The following WNT6 variants were observed in gnomAD, a reference collection of about 807,000 sequenced individuals.
WNT6 encodes the protein Wnt family member 6.
WNT6 carries 27 observed loss-of-function variants against 33.1 expected under a neutral mutation model. The observed-to-expected ratio is 0.82, with a 90% CI of 0.60 to 1.12. The LOEUF is 1.12. Among genes scored for constraint, WNT6 ranks in the 50% most tolerant of loss-of-function variants. The pLI is 0.00. For synonymous variants in WNT6, 249 were observed against 242.8 expected, an observed-to-expected ratio of 1.03 and a Z score of -0.24; for missense variants, 494 against 535.3, an observed-to-expected ratio of 0.92 and a Z score of 0.76.
intron 1 of WNT6, among the ~76,000 whole-genome samples, chr2:218,866,028 G>C (rs867415372): frequency 3.8e-4 from 58 of 152,072 alleles, no homozygotes; most frequent in African/African-American, 1.3e-3. Context: ...GGGGAGGGGA[G>C]CAGTAATTAC....
At chr2:218,860,219 C>T in intron 1 of WNT6, 102 bp downstream of exon 1, 1 of 1,145,842 alleles carries the variant, frequency 8.7e-7, no homozygotes, top group Non-Finnish European at 1.1e-6. Flanking sequence ...TCTACCTGCT[C>T]TCCGAGCCCA....
At chr2:218,860,163 G>T in intron 1 of WNT6, 46 bp downstream of exon 1, 1 of 1,475,374 alleles carries the variant, frequency 6.8e-7, no homozygotes, top group South Asian at 1.3e-5. Flanking sequence ...GGAGGGTGGG[G>T]ACCCCGGGAC....
chr2:218,862,388 C>T (rs1944316762), intron 1 of WNT6, among the ~76,000 whole-genome samples: 1 of 152,066 alleles, frequency 6.6e-6, no homozygotes, highest in Non-Finnish European at 1.5e-5. Context: ...TTCTGTCGCC[C>T]AGGCTGGAGT....
Position 218,871,403 on chromosome 2 carries a change from A to C in WNT6, c.302-82A>C. The C allele has an allele frequency of 6.6e-7, 1 of 1,518,140 alleles. No individual in the cohort carries two copies. Among genetic ancestry groups the C allele is most frequent in the East Asian group, 2.3e-5 (1 of 43,404 alleles). 94.0% of individuals were successfully genotyped at this position (1,518,140 alleles called of 1,614,324 possible). On this transcript the variant is annotated intron_variant, in intron 2 of 3. Transcript: ENST00000233948. This position sits in a 1 kb window ranked among gnomAD's most constrained non-coding sequence, Gnocchi z 6.4. ...ACCCTGCCTCCCAGGCCCCTGGGGC[A>C]GCCCTCCCGCCGCAGGTTTCAGGTC...
In WNT6 at chr2:218,871,519, T is replaced by G; in HGVS notation, c.336T>G (p.Thr112=). The stretch of plus-strand genomic sequence containing the variant: ...AGACGGCCTTCGTGTTCGCCATCAC[T>G]GCGGCCGGCGCCAGCCACGCCGTCA... ...IRETAFVFAI[T]AAGASHAVTQ... Residue 112 remains threonine, a synonymous_variant, in exon 3 of 4, where the codon ACT becomes ACG. Coordinates refer to ENST00000233948, the MANE Select transcript of WNT6 (RefSeq NM_006522.4). The surrounding 1 kb of genome is among the most constrained non-coding windows in gnomAD (Gnocchi z 6.4). The G allele has an allele frequency of 6.3e-7, 1 of 1,597,502 alleles. No homozygotes were observed. The highest frequency in any genetic ancestry group is 1.1e-5 in the South Asian group (1 of 90,994).
chr2:218,871,498 G>A lies in WNT6; in HGVS notation c.315G>A (p.Thr105=). 3.8e-6 allele frequency: 6 copies of A among 1,597,638 alleles called. No individual in the cohort carries two copies. The highest frequency in any genetic ancestry group is 5.1e-6 in the Non-Finnish European group (6 of 1,179,392). ...GRILQQDIRE[T]AFVFAITAAG... ...CTGCATTCACAGACATTCGGGAGACGGCCTTCGTGTTCGCCATCACTGCGG... is the reference window on the plus strand; with the variant it reads ...CTGCATTCACAGACATTCGGGAGACAGCCTTCGTGTTCGCCATCACTGCGG... The change falls in exon 3 of 4, where the codon ACG becomes ACA. Residue 105 remains threonine (T), a synonymous_variant. Coordinates refer to ENST00000233948, the MANE Select transcript of WNT6 (RefSeq NM_006522.4). This position sits in a 1 kb window ranked among gnomAD's most constrained non-coding sequence, Gnocchi z 6.4.
chr2:218,869,732 AG>A (rs1944384624), intron 1 of WNT6, among the ~76,000 whole-genome samples: 1 of 152,210 alleles, frequency 6.6e-6, no homozygotes, highest in African/African-American at 2.4e-5. Flanking sequence ...ATTAACCTTC[AG>A]GGGTCTGGTA....
chr2:218,864,466 C>A (rs1220437844), intron 1 of WNT6, among the ~76,000 whole-genome samples: 2 of 152,060 alleles, frequency 1.3e-5, no homozygotes, highest in East Asian at 3.9e-4. Flanking sequence ...GGGGTTTCAC[C>A]ATGTTGGCCA....
At position 218,873,258 on chromosome 2, in the gene WNT6, C is replaced by T. The variant is rs1439448434; in HGVS notation, c.637-126C>T. ...TTTCCTCCCCCTGAACTTGCGGTCT[C>T]CTTTTGTCTGCATTTTCCTCTCTTC... On this transcript the variant is annotated intron_variant, in intron 3 of 3. Coordinates refer to ENST00000233948, the MANE Select transcript of WNT6 (RefSeq NM_006522.4). This position sits in a 1 kb window ranked among gnomAD's most constrained non-coding sequence, Gnocchi z 6.1. 1.0e-6 allele frequency: 1 copy of T among 972,022 alleles called. No individual in the cohort carries two copies. Among genetic ancestry groups the T allele is most frequent in the East Asian group, 2.7e-5 (1 of 36,886 alleles). The allele number at this position is 972,022 out of a possible 1,614,324, so 60.2% of individuals were successfully genotyped here. A position where few individuals can be genotyped will look rare whatever the true frequency, so the allele number is the denominator to read the frequency against.
chr2:218,859,990 C>A lies in WNT6; in HGVS notation c.-48C>A. 7.6e-7 allele frequency: 1 copy of A among 1,324,176 alleles called. No homozygotes were observed. The highest frequency in any genetic ancestry group is 1.9e-5 in the South Asian group (1 of 53,660). 82.0% of individuals were successfully genotyped at this position (1,324,176 alleles called of 1,614,324 possible). ...CGGGCCCTCGCGCGCCGCGGTTCGCCCCGCAGCCTCGCCCCCTGCCCACCC... is the reference window on the plus strand; with the variant it reads ...CGGGCCCTCGCGCGCCGCGGTTCGCACCGCAGCCTCGCCCCCTGCCCACCC... On this transcript the variant is annotated 5_prime_UTR_variant, in exon 1 of 4. Coordinates refer to ENST00000233948, the MANE Select transcript of WNT6 (RefSeq NM_006522.4).
At chr2:218,868,202 G>C (rs1289084944) in intron 1 of WNT6, among the ~76,000 whole-genome samples, 2 of 152,096 alleles carry the variant, frequency 1.3e-5, no homozygotes, top group Admixed American at 6.5e-5. Context: ...ACTGGCTCTG[G>C]GGCAGTCCCC....
intron 1 of WNT6, among the ~76,000 whole-genome samples, chr2:218,863,537 G>A (rs1345023633): frequency 6.6e-6 from 1 of 152,122 alleles, no homozygotes; most frequent in Non-Finnish European, 1.5e-5. Flanking sequence ...TTACTCCAAT[G>A]TGATGCATGC....
chr2:218,868,555 G>A (rs544109008), intron 1 of WNT6, among the ~76,000 whole-genome samples: 1 of 152,288 alleles, frequency 6.6e-6, no homozygotes, highest in Admixed American at 6.5e-5. Context: ...ATAAGGGGCT[G>A]GACGACTGCA....
At chr2:218,869,883 T>C (rs1455461535) in intron 1 of WNT6, among the ~76,000 whole-genome samples, 3 of 152,196 alleles carry the variant, frequency 2.0e-5, no homozygotes, top group Non-Finnish European at 2.9e-5. Flanking sequence ...GATGTCACCC[T>C]AATGCGCAGG....
At chr2:218,862,146 C>T (rs1438965860) in intron 1 of WNT6, among the ~76,000 whole-genome samples, 3 of 152,000 alleles carry the variant, frequency 2.0e-5, no homozygotes, top group African/African-American at 4.8e-5. Context: ...GGAGGTGACA[C>T]GGGCAGGTGT....
chr2:218,870,919 G>A, intron 1 of WNT6, 108 bp from the exon 2 acceptor site: 1 of 1,024,364 alleles, frequency 9.8e-7, no homozygotes, highest in Non-Finnish European at 1.4e-6. Flanking sequence ...TAGGGTGGGA[G>A]GGCATGTCAC....
Position 218,871,247 on chromosome 2 carries a change from G to A in WNT6, c.301G>A (p.Asp101Asn), listed in dbSNP as rs753307256. 1 of 1,607,446 alleles carries A rather than the reference G, an allele frequency of 6.2e-7. No homozygotes were observed. Among genetic ancestry groups the A allele is most frequent in the Admixed American group, 1.7e-5 (1 of 59,756 alleles). The change falls in exon 2 of 4, where the codon GAC becomes AAC. Residue 101 changes from aspartate to asparagine, a missense_variant and splice_region_variant. By Grantham distance (23) the Asp-to-Asn change is conservative (BLOSUM62 1). Coordinates refer to ENST00000233948, the MANE Select transcript of WNT6 (RefSeq NM_006522.4). The surrounding 1 kb of genome is among the most constrained non-coding windows in gnomAD (Gnocchi z 6.4). ...GGCCTTTGGACGCATCCTGCAACAGGGTCAGTGTGGGGAGGGGGCGGAAGT... is the reference window on the plus strand; with the variant it reads ...GGCCTTTGGACGCATCCTGCAACAGAGTCAGTGTGGGGAGGGGGCGGAAGT... ...SKAFGRILQQ[D>N]IRETAFVFAI...
At chr2:218,864,840 G>A (rs1944340169) in intron 1 of WNT6, among the ~76,000 whole-genome samples, 1 of 152,220 alleles carries the variant, frequency 6.6e-6, no homozygotes, top group African/African-American at 2.4e-5. Flanking sequence ...TCTTTATCTG[G>A]GGCCCCTGAC....
chr2:218,863,265 T>C (rs1944324614), intron 1 of WNT6, among the ~76,000 whole-genome samples: 1 of 152,186 alleles, frequency 6.6e-6, no homozygotes, highest in Non-Finnish European at 1.5e-5. Flanking sequence ...CTGCTTTCCC[T>C]GGCCTTCTTC....
Sources: allele counts gnomAD v4.1 joint callset (sites outside exome capture counted in the v4.1 genomes callset), GRCh38; gene constraint gnomAD v4.1.1; non-coding constraint Gnocchi (gnomAD v3.1); transcripts MANE v1.5; gene names NCBI Gene and HGNC (gene_info 2026-07-23, HGNC 2026-07-21).